Variants in LRMDA observed in about 807,000 individuals in gnomAD.
LRMDA encodes the protein leucine-rich melanocyte differentiation-associated protein.
Under a neutral mutation model 29.8 loss-of-function variants are expected in LRMDA, and 18 were observed. That is an observed-to-expected ratio of 0.60 (90% CI 0.42 to 0.90). The LOEUF (loss-of-function observed/expected upper bound fraction) is 0.90, where lower values mean the gene tolerates loss of function less well. Among genes scored for constraint, LRMDA ranks in the 40% least tolerant of loss-of-function variants. The pLI is 0.00. For missense variants in LRMDA, 273 were observed against 273.9 expected (o/e 1.00, Z 0.02); for synonymous variants, 125 against 109.4 (o/e 1.14, Z -0.89).
intron 2 of LRMDA, among the ~76,000 whole-genome samples, chr10:75,776,836 G>A (rs1424370165): frequency 6.6e-6 from 1 of 152,220 alleles, no homozygotes; most frequent in Non-Finnish European, 1.5e-5. Context: ...CTCACTGATG[G>A]TTGTCTTTAA....
intron 2 of LRMDA, among the ~76,000 whole-genome samples, chr10:75,533,434 A>G (rs1346820200): frequency 6.6e-6 from 1 of 152,252 alleles, no homozygotes; most frequent in Non-Finnish European, 1.5e-5. Context: ...AGTTTCGTGC[A>G]GCAGAGAAAG....
intron 2 of LRMDA, among the ~76,000 whole-genome samples, chr10:75,820,272 A>G (rs751940323): frequency 6.6e-6 from 1 of 152,234 alleles, no homozygotes; most frequent in Non-Finnish European, 1.5e-5. Context: ...GCAAGCCTCA[A>G]TACATTTTAA....
chr10:75,979,152 A>G (rs1847123784), intron 2 of LRMDA, among the ~76,000 whole-genome samples: 3 of 152,290 alleles, frequency 2.0e-5, no homozygotes, highest in Non-Finnish European at 1.5e-5. Context: ...AACATTAGTC[A>G]TTGTTCTTAT....
At chr10:75,694,155 G>A (rs985205715) in intron 2 of LRMDA, among the ~76,000 whole-genome samples, 2 of 152,232 alleles carry the variant, frequency 1.3e-5, no homozygotes, top group African/African-American at 2.4e-5. Flanking sequence ...TTGGCTCAGT[G>A]TGCATGTTTG....
chr10:75,467,877 C>T (rs746967204), intron 2 of LRMDA, among the ~76,000 whole-genome samples: 9 of 151,870 alleles, frequency 5.9e-5, no homozygotes, highest in African/African-American at 1.2e-4. Context: ...AGGAGAATCG[C>T]ATGAACTCGG....
chr10:76,237,963 G>A (rs1040778496), intron 5 of LRMDA, among the ~76,000 whole-genome samples: 5 of 151,760 alleles, frequency 3.3e-5, no homozygotes, highest in African/African-American at 1.2e-4. Flanking sequence ...GCTAATTTTT[G>A]TGTTTTTAGT....
At chr10:75,755,467 G>A (rs1047567349) in intron 2 of LRMDA, among the ~76,000 whole-genome samples, 3 of 152,166 alleles carry the variant, frequency 2.0e-5, no homozygotes, top group Non-Finnish European at 2.9e-5. Context: ...TTACTCTAAC[G>A]GCAACATGCA....
At chr10:76,488,074 A>G (rs959315921) in intron 6 of LRMDA, among the ~76,000 whole-genome samples, 5 of 151,822 alleles carry the variant, frequency 3.3e-5, no homozygotes, top group African/African-American at 1.2e-4. Flanking sequence ...AAAATACTGT[A>G]TCTGTAACTA....
At chr10:75,963,304 T>C (rs546244862) in intron 2 of LRMDA, among the ~76,000 whole-genome samples, 1 of 152,360 alleles carries the variant, frequency 6.6e-6, no homozygotes, top group South Asian at 2.1e-4. Context: ...AATACACTTC[T>C]TTTCTAGCCA....
At chr10:76,254,598 G>A (rs1422025127) in intron 5 of LRMDA, among the ~76,000 whole-genome samples, 2 of 151,866 alleles carry the variant, frequency 1.3e-5, no homozygotes, top group African/African-American at 4.8e-5. Flanking sequence ...GATCATGTTG[G>A]CATTTGTTCT....
chr10:75,932,008 A>G (rs1846213227), intron 2 of LRMDA, among the ~76,000 whole-genome samples: 1 of 152,254 alleles, frequency 6.6e-6, no homozygotes, highest in Admixed American at 6.5e-5. Context: ...GAGGTTCATG[A>G]AGTCAGTTTT....
intron 5 of LRMDA, among the ~76,000 whole-genome samples, chr10:76,224,432 C>T (rs998015196): frequency 1.3e-5 from 2 of 151,842 alleles, no homozygotes; most frequent in East Asian, 1.9e-4. Context: ...GTTAGCCAGG[C>T]ATGGTAGCAT....
rs185962452 is a variant in LRMDA, at chr10:76,330,177, C to T, written c.601+5692C>T. 6.7e-3 allele frequency among the ~76,000 whole-genome samples: 1,015 copies of T among 152,222 alleles called. 19 individuals are homozygous for T. Among genetic ancestry groups the T allele is most frequent in the African/African-American group, 0.022 (923 of 41,536 alleles). On this transcript the variant is annotated intron_variant, in intron 6 of 6. Coordinates refer to ENST00000611255, the MANE Select transcript of LRMDA (RefSeq NM_001305581.2). Reference sequence around the variant, plus strand: ...GGGGCAGAATGATGCGATACTTTTCCTCATCTATTATAAGGGTCACAGCCC... The same window carrying T: ...GGGGCAGAATGATGCGATACTTTTCTTCATCTATTATAAGGGTCACAGCCC...
At chr10:75,933,334 T>G (rs1358754957) in intron 2 of LRMDA, among the ~76,000 whole-genome samples, 2 of 152,182 alleles carry the variant, frequency 1.3e-5, no homozygotes, top group South Asian at 2.1e-4. Context: ...CTCTGATTCA[T>G]TACTAATGGA....
At chr10:75,924,215 T>G (rs1036793999) in intron 2 of LRMDA, among the ~76,000 whole-genome samples, 14 of 152,168 alleles carry the variant, frequency 9.2e-5, no homozygotes, top group African/African-American at 1.4e-4. Context: ...TTTAAAGCCG[T>G]GCAATGCAGT....
chr10:75,611,883 AAGG>A (rs1338007585), intron 2 of LRMDA, among the ~76,000 whole-genome samples: 2 of 152,132 alleles, frequency 1.3e-5, no homozygotes, highest in Admixed American at 1.3e-4. Context: ...AGGCCTGCAA[AAGG>A]AGATTTCCTC....
chr10:76,399,498 AT>A (rs1478739282), intron 6 of LRMDA, among the ~76,000 whole-genome samples: 3 of 152,252 alleles, frequency 2.0e-5, no homozygotes, highest in Admixed American at 1.3e-4. Context: ...TCTTTATCCA[AT>A]CACATGCCAT....
chr10:75,473,423 G>A (rs529389779), intron 2 of LRMDA, among the ~76,000 whole-genome samples: 30 of 152,358 alleles, frequency 2.0e-4, no homozygotes, highest in African/African-American at 7.2e-4. Context: ...AAGTGTGTCT[G>A]GAGGTGATGC....
At chr10:76,543,316 CTGTG>C (rs71028203) in intron 6 of LRMDA, among the ~76,000 whole-genome samples, 48,685 of 143,560 alleles carry the variant, frequency 0.34, 9,284 homozygotes, top group Admixed American at 0.46. Flanking sequence ...TGGGGTGTGC[CTGTG>C]TGTGTGTGTG....
Sources: gnomAD v4.1 joint callset for allele counts (sites outside exome capture counted in the v4.1 genomes callset) on GRCh38, gnomAD v4.1.1 for gene constraint, MANE v1.5 for transcripts, NCBI Gene and HGNC (gene_info 2026-07-23, HGNC 2026-07-21) for gene names.